Variants in TBC1D5 observed in about 807,000 individuals in gnomAD.
TBC1D5 encodes the protein TBC1 domain family, member 5.
TBC1D5 carries 75 observed loss-of-function variants against 100.3 expected under a neutral mutation model. The observed-to-expected ratio is 0.75, with a 90% CI of 0.62 to 0.91. The LOEUF (loss-of-function observed/expected upper bound fraction) is 0.91. TBC1D5 is among the 40% of genes least tolerant of loss of function. TBC1D5 has a pLI of 0.00. For missense variants in TBC1D5, 910 were observed against 942.4 expected (o/e 0.97, Z 0.45); for synonymous variants, 323 against 325.6 (o/e 0.99, Z 0.09).
At chr3:17,203,641 C>T (rs764889114) in intron 18 of TBC1D5, among the ~76,000 whole-genome samples, 20 of 152,108 alleles carry the variant, frequency 1.3e-4, no homozygotes, top group Non-Finnish European at 1.9e-4. Context: ...TTGCTATTCT[C>T]GTTATAGTGA....
At chr3:17,482,734 G>A (rs969717822) in intron 3 of TBC1D5, among the ~76,000 whole-genome samples, 9 of 152,060 alleles carry the variant, frequency 5.9e-5, no homozygotes, top group African/African-American at 1.4e-4. Context: ...AGCAAAAGAC[G>A]AACTATTTTA....
intron 18 of TBC1D5, among the ~76,000 whole-genome samples, chr3:17,208,045 C>CT (rs1001831441): frequency 1.3e-5 from 2 of 152,190 alleles, no homozygotes; most frequent in African/African-American, 2.4e-5. Context: ...CTATCTTGAA[C>CT]TTTTTTGAGG....
In TBC1D5 at chr3:17,316,642, T is replaced by C. The variant is rs80250471; in HGVS notation, c.996-8508A>G. ...GTTCTTGCATTTTAAAAGAACAGCA[T>C]ATTTCCCTTCTTGAAGGCTCACTGT... On this transcript the variant is annotated intron_variant, in intron 13 of 21. Coordinates refer to ENST00000253692, the Ensembl canonical transcript of TBC1D5. 9.4e-3 allele frequency among the ~76,000 whole-genome samples: 1,426 copies of C among 152,340 alleles called. 88 individuals are homozygous for C. The highest frequency in any genetic ancestry group is 0.073 in the Admixed American group (1,119 of 15,310).
chr3:17,601,975 G>A (rs545174282), intron 2 of TBC1D5, among the ~76,000 whole-genome samples: 5 of 152,086 alleles, frequency 3.3e-5, no homozygotes, highest in African/African-American at 9.6e-5. Flanking sequence ...GACTATAGGC[G>A]CCTGCCACCA....
At chr3:17,628,055 T>C (rs2063202344) in intron 1 of TBC1D5, among the ~76,000 whole-genome samples, 1 of 151,956 alleles carries the variant, frequency 6.6e-6, no homozygotes, top group Admixed American at 6.6e-5. Flanking sequence ...ATCTAACAAG[T>C]ATTGTACCTA....
intron 3 of TBC1D5, among the ~76,000 whole-genome samples, chr3:17,443,891 A>C (rs1484073205): frequency 1.3e-5 from 2 of 152,222 alleles, no homozygotes; most frequent in Non-Finnish European, 2.9e-5. Flanking sequence ...ACATTTTAAA[A>C]AATGAAATGA....
intron 1 of TBC1D5, among the ~76,000 whole-genome samples, chr3:17,667,153 ATAT>A (rs1172056914): frequency 1.3e-5 from 2 of 152,240 alleles, no homozygotes; most frequent in African/African-American, 4.8e-5. Flanking sequence ...GAACTCTCAA[ATAT>A]TATGATGTGT....
intron 9 of TBC1D5, among the ~76,000 whole-genome samples, chr3:17,380,045 A>G (rs4561817): frequency 0.14 from 15,460 of 112,454 alleles, 1,000 homozygotes; most frequent in African/African-American, 0.19. Flanking sequence ...GTGACTGTGT[A>G]TGTGTGTGTG....
intron 13 of TBC1D5, among the ~76,000 whole-genome samples, chr3:17,351,580 C>A (rs941619694): frequency 6.6e-6 from 1 of 151,754 alleles, no homozygotes; most frequent in Non-Finnish European, 1.5e-5. Flanking sequence ...GGCCTTTCAG[C>A]GGGTGGGGAG....
At chr3:17,703,328 T>G (rs990894897) in intron 1 of TBC1D5, among the ~76,000 whole-genome samples, 1 of 152,070 alleles carries the variant, frequency 6.6e-6, no homozygotes, top group Non-Finnish European at 1.5e-5. Context: ...CCTACATATA[T>G]AGATACATCC....
intron 2 of TBC1D5, among the ~76,000 whole-genome samples, chr3:17,621,530 C>A (rs1169519209): frequency 2.0e-5 from 3 of 152,178 alleles, no homozygotes; most frequent in Non-Finnish European, 4.4e-5. Context: ...ACTAACCAAA[C>A]CTGGGCAATT....
At chr3:17,498,954 GAACTTGAGATA>G (rs2095750332) in intron 3 of TBC1D5, among the ~76,000 whole-genome samples, 1 of 152,120 alleles carries the variant, frequency 6.6e-6, no homozygotes, top group Non-Finnish European at 1.5e-5. Flanking sequence ...TTTAAGACAT[GAACTTGAGATA>G]AATAGGTCTT....
chr3:17,723,795 C>CAGTA (rs1175562722), intron 1 of TBC1D5, among the ~76,000 whole-genome samples: 1 of 151,996 alleles, frequency 6.6e-6, no homozygotes, highest in Non-Finnish European at 1.5e-5. Context: ...TTGCAGTAAA[C>CAGTA]AGTAAGCTAT....
At chr3:17,699,873 T>C (rs1298447163) in intron 1 of TBC1D5, 2 of 151,454 alleles carry the variant, frequency 1.3e-5, no homozygotes, top group South Asian at 2.1e-4. Flanking sequence ...TGGCTGACAG[T>C]ATCTACTTTA....
At chr3:17,497,087 G>GAC (rs71049202) in intron 3 of TBC1D5, among the ~76,000 whole-genome samples, 6,515 of 128,956 alleles carry the variant, frequency 0.051, 188 homozygotes, top group East Asian at 0.14. Context: ...CTCTCTCTCT[G>GAC]ACACACACAC....
chr3:17,327,818 G>A (rs1462941516), intron 13 of TBC1D5, among the ~76,000 whole-genome samples: 3 of 152,042 alleles, frequency 2.0e-5, no homozygotes, highest in African/African-American at 4.8e-5. Context: ...GTTGCTGTAT[G>A]TGGTTTTTTT....
chr3:17,342,642 G>C (rs532113934), intron 13 of TBC1D5, among the ~76,000 whole-genome samples: 1 of 152,228 alleles, frequency 6.6e-6, no homozygotes, highest in East Asian at 1.9e-4. Context: ...TCTCAGGAAA[G>C]CTAGCAAACA....
At chr3:17,687,233 A>C (rs2070426955) in intron 1 of TBC1D5, among the ~76,000 whole-genome samples, 1 of 152,150 alleles carries the variant, frequency 6.6e-6, no homozygotes, top group Non-Finnish European at 1.5e-5. Flanking sequence ...ACAGTCATAA[A>C]AAATGTTTTC....
At chr3:17,348,262 C>T (rs1009580033) in intron 13 of TBC1D5, among the ~76,000 whole-genome samples, 2 of 152,192 alleles carry the variant, frequency 1.3e-5, no homozygotes, top group African/African-American at 2.4e-5. Flanking sequence ...AAAAGTACAA[C>T]ATTGCTTTAA....
Sources: allele counts gnomAD v4.1 joint callset (sites outside exome capture counted in the v4.1 genomes callset), GRCh38; gene constraint gnomAD v4.1.1; transcripts MANE v1.5; gene names NCBI Gene and HGNC (gene_info 2026-07-23, HGNC 2026-07-21).